The following ELF1 variants were observed in gnomAD, a reference collection of about 807,000 sequenced individuals.
ELF1 encodes the protein E74 like ETS transcription factor 1.
A neutral mutation model predicts 59.9 loss-of-function variants in ELF1; 24 were observed. The ratio of observed to expected loss-of-function variants is 0.40; its 90% CI spans 0.29 to 0.56. The LOEUF is 0.56. ELF1 is among the 20% of genes least tolerant of loss of function. The pLI, the probability that ELF1 is intolerant of heterozygous loss-of-function variation, is 0.44. For missense variants in ELF1, 627 were observed against 742.2 expected, an observed-to-expected ratio of 0.84 and a Z score of 1.80; for synonymous variants, 248 against 266.2, an observed-to-expected ratio of 0.93 and a Z score of 0.67.
chr13:41,019,594 T>G (rs1196381972), upstream of ELF1, among the ~76,000 whole-genome samples: 1 of 152,112 alleles, frequency 6.6e-6, no homozygotes, highest in African/African-American at 2.4e-5. Flanking sequence ...CTATATATTG[T>G]TTTAAAATAT....
intron 1 of ELF1, among the ~76,000 whole-genome samples, chr13:41,042,008 G>C (rs1401539544): frequency 6.6e-6 from 1 of 152,120 alleles, no homozygotes; most frequent in Non-Finnish European, 1.5e-5. Context: ...CTCTATAGGA[G>C]ATATTATTTA....
intron 1 of ELF1, among the ~76,000 whole-genome samples, chr13:41,051,408 C>T (rs1486652129): frequency 2.0e-5 from 3 of 152,012 alleles, no homozygotes; most frequent in African/African-American, 7.2e-5. Context: ...TGTACCCTTC[C>T]TTTCTATTTC....
At chr13:41,002,817 A>C (rs560218726) in intron 1 of ELF1, among the ~76,000 whole-genome samples, 1 of 152,250 alleles carries the variant, frequency 6.6e-6, no homozygotes, top group South Asian at 2.1e-4. Context: ...GCTATAGCAG[A>C]AGTGGGCAAA....
chr13:40,942,738 T>A (rs890154359), intron 7 of ELF1, among the ~76,000 whole-genome samples: 1 of 152,046 alleles, frequency 6.6e-6, no homozygotes, highest in Non-Finnish European at 1.5e-5. Context: ...CCCAGGCTGG[T>A]CTTAAACTCC....
chr13:41,053,261 TGA>T (rs1179682566), intron 1 of ELF1, among the ~76,000 whole-genome samples: 2 of 151,330 alleles, frequency 1.3e-5, no homozygotes, highest in African/African-American at 2.4e-5. Flanking sequence ...GGCTGAGGCA[TGA>T]GAATTGCTTG....
In ELF1 at chr13:40,967,383, T is replaced by A. The variant is rs74045616; in HGVS notation, c.73-8367A>T. On this transcript the variant is annotated intron_variant, in intron 2 of 8. Coordinates refer to ENST00000239882, the MANE Select transcript of ELF1 (RefSeq NM_172373.4). ...CAAGTTATCCAGCCTCTCTAAGCTTTAGTTCCTACATCTATTCAAAATAAG... is the reference window on the plus strand; with the variant it reads ...CAAGTTATCCAGCCTCTCTAAGCTTAAGTTCCTACATCTATTCAAAATAAG... Among the ~76,000 whole-genome samples the A allele has an allele frequency of 6.8e-3, 1,031 of 152,340 alleles. 9 individuals carry two copies. The highest frequency in any genetic ancestry group is 0.024 in the African/African-American group (984 of 41,570).
upstream of ELF1, among the ~76,000 whole-genome samples, chr13:41,020,714 C>G (rs1354458738): frequency 6.6e-6 from 1 of 152,166 alleles, no homozygotes; most frequent in African/African-American, 2.4e-5. Flanking sequence ...TTCACTTACA[C>G]AAAATGACTA....
At chr13:41,025,141 C>T (rs75078893) in intron 1 of ELF1, among the ~76,000 whole-genome samples, 1,898 of 152,300 alleles carry the variant, frequency 0.012, 42 homozygotes, top group African/African-American at 0.043. Flanking sequence ...CTTTTCCAGC[C>T]CTATCTTCCT....
chr13:40,991,150 C>T (rs555500877), intron 1 of ELF1, among the ~76,000 whole-genome samples: 41 of 152,264 alleles, frequency 2.7e-4, no homozygotes, highest in African/African-American at 9.4e-4. Flanking sequence ...AAACTGTCAT[C>T]AAAAACAAGG....
upstream of ELF1, chr13:41,019,422 A>T: frequency 1.0e-6 from 1 of 985,160 alleles, no homozygotes; most frequent in Non-Finnish European, 1.2e-6. Context: ...TGCTAGGTCA[A>T]ACATGCAAAT....
chr13:41,042,126 G>A (rs1177276206), intron 1 of ELF1, among the ~76,000 whole-genome samples: 1 of 152,000 alleles, frequency 6.6e-6, no homozygotes, highest in Non-Finnish European at 1.5e-5. Flanking sequence ...AGGTTCAAGG[G>A]ATCCTCCTAC....
chr13:40,934,761 AT>A (rs1234918024), intron 8 of ELF1, among the ~76,000 whole-genome samples: 11 of 152,226 alleles, frequency 7.2e-5, no homozygotes, highest in Admixed American at 5.9e-4. Flanking sequence ...CAACATGCTC[AT>A]CCACAATAAT....
At chr13:41,055,604 T>A (rs1877259157) in intron 1 of ELF1, among the ~76,000 whole-genome samples, 1 of 152,106 alleles carries the variant, frequency 6.6e-6, no homozygotes, top group African/African-American at 2.4e-5. Flanking sequence ...ACCTCCTCCA[T>A]CAGTTATTTA....
intron 1 of ELF1, among the ~76,000 whole-genome samples, chr13:41,044,394 T>G (rs1876752916): frequency 6.6e-6 from 1 of 152,200 alleles, no homozygotes; most frequent in Admixed American, 6.5e-5. Flanking sequence ...AGGGAATGCT[T>G]CCAGTTTTTG....
At chr13:41,030,028 T>A (rs1876100426) in intron 1 of ELF1, among the ~76,000 whole-genome samples, 1 of 151,916 alleles carries the variant, frequency 6.6e-6, no homozygotes, top group Admixed American at 6.6e-5. Flanking sequence ...GGGCTAGAGA[T>A]CATAAACTTG....
chr13:40,973,642 CTT>C lies in ELF1; in HGVS notation c.72+8339_72+8340del, dbSNP rs59812708. Among the ~76,000 whole-genome samples, 419 of 142,094 alleles carry C rather than the reference CTT, an allele frequency of 2.9e-3. 1 individual carries two copies. Among genetic ancestry groups the C allele is most frequent in the African/African-American group, 9.8e-3 (383 of 39,098 alleles). The allele number at this position is 142,094 out of a possible 152,430, so 93.2% of individuals were successfully genotyped here. On this transcript the variant is annotated intron_variant, in intron 2 of 8. Transcript: ENST00000239882. Reference sequence around the variant, plus strand: ...TAGAAGCAACAGAGGTGCTAATTTCCTTTTTTTTTTTTTACCCAGGAAGGCTA... The same window carrying C: ...TAGAAGCAACAGAGGTGCTAATTTCCTTTTTTTTTTTACCCAGGAAGGCTA...
intron 1 of ELF1, among the ~76,000 whole-genome samples, chr13:41,043,559 G>A (rs1485866480): frequency 2.0e-5 from 3 of 152,072 alleles, no homozygotes; most frequent in Non-Finnish European, 4.4e-5. Context: ...ATTAAATAGG[G>A]AATCCTTTCC....
intron 1 of ELF1, among the ~76,000 whole-genome samples, chr13:41,033,366 T>C (rs1450774870): frequency 6.6e-6 from 1 of 152,222 alleles, no homozygotes; most frequent in African/African-American, 2.4e-5. Context: ...TTACTTGTTA[T>C]AGTGCCAGGA....
At chr13:40,936,217 C>A (rs1301908484) in intron 8 of ELF1, among the ~76,000 whole-genome samples, 2 of 152,074 alleles carry the variant, frequency 1.3e-5, no homozygotes, top group Non-Finnish European at 2.9e-5. Context: ...TGCCGCCTTA[C>A]CATTACAACA....
Sources: gnomAD v4.1 joint callset for allele counts (sites outside exome capture counted in the v4.1 genomes callset) on GRCh38, gnomAD v4.1.1 for gene constraint, MANE v1.5 for transcripts, NCBI Gene and HGNC (gene_info 2026-07-23, HGNC 2026-07-21) for gene names.